Variants in IL22RA1 observed in about 807,000 individuals in gnomAD.
IL22RA1 encodes interleukin-22 receptor subunit alpha-1.
Under a neutral mutation model 32.8 loss-of-function variants are expected in IL22RA1, and 25 were observed. The ratio of observed to expected loss-of-function variants is 0.76; its 90% CI spans 0.55 to 1.06. The LOEUF (loss-of-function observed/expected upper bound fraction) is 1.06. Ranked by LOEUF, IL22RA1 falls within the 50% of genes least tolerant of loss-of-function variation. IL22RA1 has a pLI of 0.00. For missense variants in IL22RA1, 709 were observed against 727.4 expected, an observed-to-expected ratio of 0.97 and a Z score of 0.29; for synonymous variants, 305 against 305.0, an observed-to-expected ratio of 1.00 and a Z score of 0.00.
chr1:24,132,723 G>A (rs1310285779), intron 4 of IL22RA1, among the ~76,000 whole-genome samples: 3 of 151,792 alleles, frequency 2.0e-5, no homozygotes, highest in Admixed American at 6.6e-5. Context: ...TAAGTTGGCC[G>A]GGTGCGGTGG....
Position 24,121,738 on chromosome 1 carries a change from C to G in IL22RA1, c.793-1G>C. ...GGAAAGTCAGGACTCGCTGGACGTTCTGTGCAGGGACGACAACAGTCACCC... is the reference window on the plus strand; with the variant it reads ...GGAAAGTCAGGACTCGCTGGACGTTGTGTGCAGGGACGACAACAGTCACCC... On this transcript the variant is annotated splice_acceptor_variant, in intron 6 of 6. Transcript: ENST00000270800. LOFTEE classifies it high-confidence loss of function. 1 of 1,518,646 alleles carries G rather than the reference C, an allele frequency of 6.6e-7. No homozygotes were observed. The highest frequency in any genetic ancestry group is 8.9e-7 in the Non-Finnish European group (1 of 1,128,390). The allele number at this position is 1,518,646 out of a possible 1,614,324, so 94.1% of individuals were successfully genotyped here.
At chr1:24,132,333 G>A (rs1276266975) in intron 4 of IL22RA1, among the ~76,000 whole-genome samples, 1 of 135,268 alleles carries the variant, frequency 7.4e-6, no homozygotes, top group East Asian at 2.1e-4. Context: ...TTGTGTGTGT[G>A]TTTTTTTTTT....
chr1:24,139,537 A>AT (rs898336285), intron 1 of IL22RA1, among the ~76,000 whole-genome samples: 5 of 152,134 alleles, frequency 3.3e-5, no homozygotes, highest in South Asian at 2.1e-4. Flanking sequence ...TGGCCACACC[A>AT]TTTTTTTGGT....
At chr1:24,136,510 G>A (rs1644243382) in intron 3 of IL22RA1, among the ~76,000 whole-genome samples, 1 of 57,596 alleles carries the variant, frequency 1.7e-5, no homozygotes, top group Non-Finnish European at 4.1e-5. Flanking sequence ...GACTTAGGAG[G>A]TGATGTTGAA....
rs193268212 is a variant in IL22RA1, at chr1:24,131,936, A to G, written c.531+2275T>C. ...CGTGTGTTCTCTGACCACAAATTGA[A>G]TTAAATTAGAAATCAACAATAAAAT... On this transcript the variant is annotated intron_variant, in intron 4 of 6. Transcript: ENST00000270800. 3.3e-5 allele frequency among the ~76,000 whole-genome samples: 5 copies of G among 152,334 alleles called. No homozygotes were observed. In the East Asian group the frequency reaches 9.6e-4, roughly 29 times the overall value.
In IL22RA1 at chr1:24,120,427, G is replaced by A; in HGVS notation, c.*378C>T. The A allele has an allele frequency of 5.5e-6, 1 of 181,696 alleles. No homozygotes were observed. The allele number at this position is 181,696 out of a possible 1,614,324, so 11.3% of individuals were successfully genotyped here. On this transcript the variant is annotated 3_prime_UTR_variant, in exon 7 of 7. Transcript: ENST00000270800. ...TCGAGCTAGATTGTGAAACTGGCCAGGAATGGGGCAAGGAGAGGCAAATTC... is the reference window on the plus strand; with the variant it reads ...TCGAGCTAGATTGTGAAACTGGCCAAGAATGGGGCAAGGAGAGGCAAATTC...
chr1:24,138,790 C>A, intron 1 of IL22RA1, 76 bp from the exon 2 acceptor site: 1 of 1,523,056 alleles, frequency 6.6e-7, no homozygotes, highest in South Asian at 1.2e-5. Flanking sequence ...CAGTCAGAGT[C>A]CTGCCCCATA....
rs527360848 is a variant in IL22RA1 at position 24,131,076 on chromosome 1, T to C, written c.532-2797A>G. On this transcript the variant is annotated intron_variant, in intron 4 of 6. Transcript: ENST00000270800. ...ACAAAATAAGCTCATATTGAATGAA[T>C]GAATAGAAAATCTCAGTAGAATATG... Among the ~76,000 whole-genome samples, 105 of 152,282 alleles carry C rather than the reference T, an allele frequency of 6.9e-4. 1 individual carries two copies. Among genetic ancestry groups the C allele is most frequent in the African/African-American group, 2.5e-3 (102 of 41,562 alleles).
intron 4 of IL22RA1, among the ~76,000 whole-genome samples, chr1:24,132,810 G>T (rs1423362869): frequency 6.6e-6 from 1 of 151,600 alleles, no homozygotes; most frequent in Non-Finnish European, 1.5e-5. Flanking sequence ...AGACCAGCCT[G>T]GGCAACACAG....
chr1:24,121,828 G>A (rs1644125448), intron 6 of IL22RA1, 91 bp from the exon 7 acceptor site: 8 of 1,034,520 alleles, frequency 7.7e-6, no homozygotes, highest in African/African-American at 1.6e-5. Context: ...TCCTCCATAG[G>A]GAGGCATCTG....
chr1:24,126,100 C>T (rs1644160054), intron 5 of IL22RA1, among the ~76,000 whole-genome samples: 2 of 152,208 alleles, frequency 1.3e-5, no homozygotes, highest in Non-Finnish European at 2.9e-5. Flanking sequence ...TGAGATTTAT[C>T]TAGGACAGTC....
At chr1:24,133,383 C>A (rs371110606) in intron 4 of IL22RA1, among the ~76,000 whole-genome samples, 1 of 152,002 alleles carries the variant, frequency 6.6e-6, no homozygotes, top group South Asian at 2.1e-4. Flanking sequence ...TTTTAACTTC[C>A]TTTTCACCCC....
At chr1:24,129,456 C>T (rs1404429026) in intron 4 of IL22RA1, among the ~76,000 whole-genome samples, 1 of 152,234 alleles carries the variant, frequency 6.6e-6, no homozygotes, top group Non-Finnish European at 1.5e-5. Flanking sequence ...CTGGCCCCAT[C>T]CCAGACCCCA....
chr1:24,121,102 A>T lies in IL22RA1; in HGVS notation c.1428T>A (p.Ser476=). Residue 476 remains serine, a synonymous_variant, in exon 7 of 7, where the codon TCT becomes TCA. Transcript: ENST00000270800. ...QPLGICTDRT[S]DPNVLHSGEE... ...CCCCACTGTGTAGCACATTTGGGTC[A>T]GATGTTCTGTCTGTGCAAATCCCCA... 1 of 1,614,150 alleles carries T rather than the reference A, an allele frequency of 6.2e-7. No individual in the cohort carries two copies. Among genetic ancestry groups the T allele is most frequent in the Non-Finnish European group, 8.5e-7 (1 of 1,180,012 alleles).
intron 1 of IL22RA1, among the ~76,000 whole-genome samples, chr1:24,142,614 T>C (rs954957982): frequency 6.6e-6 from 1 of 152,184 alleles, no homozygotes; most frequent in African/African-American, 2.4e-5. Context: ...TCAAGCTTCG[T>C]TTCCCCCGGT....
chr1:24,139,610 T>C (rs1033106252), intron 1 of IL22RA1, among the ~76,000 whole-genome samples: 1 of 152,222 alleles, frequency 6.6e-6, no homozygotes, highest in Non-Finnish European at 1.5e-5. Context: ...CATGGCTCAC[T>C]GCAGCCTCGA....
intron 2 of IL22RA1, 31 bp from the exon 3 acceptor site, chr1:24,137,340 G>C (rs1644249454): frequency 6.2e-7 from 1 of 1,605,154 alleles, no homozygotes; most frequent in African/African-American, 1.3e-5. Flanking sequence ...AAGTCACCGT[G>C]GTGATGAAAA....
chr1:24,131,134 A>G (rs1349054580), intron 4 of IL22RA1, among the ~76,000 whole-genome samples: 1 of 152,252 alleles, frequency 6.6e-6, no homozygotes, highest in Non-Finnish European at 1.5e-5. Flanking sequence ...TTAGAGTTGA[A>G]AAATTCTAGA....
chr1:24,142,983 C>T (rs546638473), intron 1 of IL22RA1, 57 bp downstream of exon 1: 1,389 of 1,535,030 alleles, frequency 9.0e-4, no homozygotes, highest in Non-Finnish European at 1.2e-3. Context: ...GGAGATGACC[C>T]TGATCGTTGG....
Sources: gnomAD v4.1 joint callset for allele counts (sites outside exome capture counted in the v4.1 genomes callset) on GRCh38, gnomAD v4.1.1 for gene constraint, MANE v1.5 for transcripts, NCBI Gene and HGNC (gene_info 2026-07-23, HGNC 2026-07-21) for gene names.